Variants in MYO9A observed in about 807,000 individuals in gnomAD.
The protein encoded by MYO9A is myosin IXA, also known as unconventional myosin-IXa.
A neutral mutation model predicts 293.3 loss-of-function variants in MYO9A; 103 were observed. The ratio of observed to expected loss-of-function variants is 0.35; its 90% CI spans 0.30 to 0.41. MYO9A has a LOEUF of 0.41. MYO9A is among the 10% of genes least tolerant of loss of function. The pLI is 1.00. For missense variants in MYO9A, 2,685 were observed against 3,033.0 expected (o/e 0.89, Z 2.69); for synonymous variants, 1,001 against 1,035.7 (o/e 0.97, Z 0.64).
At chr15:72,087,176 G>A (rs1017436949) in intron 1 of MYO9A, among the ~76,000 whole-genome samples, 10 of 152,158 alleles carry the variant, frequency 6.6e-5, no homozygotes, top group Non-Finnish European at 1.0e-4. Context: ...GCAAGCAGGC[G>A]CAACCAGGCT....
intron 40 of MYO9A, 116 bp from the exon 41 acceptor site, chr15:71,828,142 AC>A: frequency 8.4e-7 from 1 of 1,192,130 alleles, no homozygotes; most frequent in Non-Finnish European, 1.2e-6. Flanking sequence ...GTCCATTTTT[AC>A]TGTCCCCATC....
chr15:72,009,143 C>T (rs1294429686), intron 7 of MYO9A, among the ~76,000 whole-genome samples: 1 of 152,042 alleles, frequency 6.6e-6, no homozygotes, highest in Non-Finnish European at 1.5e-5. Flanking sequence ...AACATAAAAA[C>T]TAATGGAAGT....
intron 15 of MYO9A, among the ~76,000 whole-genome samples, chr15:71,946,402 G>T (rs2058919695): frequency 6.6e-6 from 1 of 152,116 alleles, no homozygotes; most frequent in Admixed American, 6.5e-5. Flanking sequence ...ATTTTCTTGG[G>T]TTGATTTTAA....
chr15:71,838,189 T>C (rs1026087880), intron 39 of MYO9A, among the ~76,000 whole-genome samples: 5 of 152,144 alleles, frequency 3.3e-5, no homozygotes, highest in African/African-American at 4.8e-5. Flanking sequence ...GTAGCTAATC[T>C]TTCTATTTAC....
chr15:71,961,039 G>C (rs1468671051), intron 13 of MYO9A, among the ~76,000 whole-genome samples: 1 of 152,162 alleles, frequency 6.6e-6, no homozygotes, highest in Non-Finnish European at 1.5e-5. Context: ...ATAAAGGAAA[G>C]CCCTGGAAAG....
chr15:72,102,371 C>G (rs982612924), intron 1 of MYO9A, among the ~76,000 whole-genome samples: 12 of 150,448 alleles, frequency 8.0e-5, no homozygotes, highest in African/African-American at 2.7e-4. Context: ...GGTCCTCTGC[C>G]TAGGAAAACC....
At position 71,862,570 on chromosome 15, in the gene MYO9A, A is replaced by G. The variant is rs772926203; in HGVS notation, c.6021T>C (p.Tyr2007=). The change falls in exon 33 of 42, where the codon TAT becomes TAC. Residue 2007 remains tyrosine, a synonymous_variant. Transcript: ENST00000356056. ...AGTATTCACAGTATGTAGGGATGCTATATTGGGTGGCTTTAAAGATGTGAC... is the reference window on the plus strand; with the variant it reads ...AGTATTCACAGTATGTAGGGATGCTGTATTGGGTGGCTTTAAAGATGTGAC... ...HNGHIFKATQ[Y]SIPTYCEYCS... The G allele has an allele frequency of 1.9e-6, 3 of 1,613,268 alleles. No homozygotes were observed. The highest frequency in any genetic ancestry group is 2.5e-6 in the Non-Finnish European group (3 of 1,179,502).
chr15:71,832,808 T>A (rs2054782941), intron 39 of MYO9A, among the ~76,000 whole-genome samples: 1 of 152,170 alleles, frequency 6.6e-6, no homozygotes, highest in Non-Finnish European at 1.5e-5. Context: ...AGCGATGTGT[T>A]GAATTTAAAA....
At chr15:72,060,193 C>G (rs1596485847) in intron 1 of MYO9A, among the ~76,000 whole-genome samples, 3 of 152,126 alleles carry the variant, frequency 2.0e-5, no homozygotes, top group African/African-American at 7.2e-5. Flanking sequence ...AGACCTCAAC[C>G]ACAGTCTTCT....
chr15:71,857,150 T>C (rs902666356), intron 34 of MYO9A, among the ~76,000 whole-genome samples: 1 of 152,178 alleles, frequency 6.6e-6, no homozygotes, highest in African/African-American at 2.4e-5. Flanking sequence ...TACTTTTAGG[T>C]ATTAAACAAA....
chr15:71,951,650 G>T, intron 15 of MYO9A, 127 bp downstream of exon 15: 1 of 1,002,968 alleles, frequency 1.0e-6, no homozygotes, highest in South Asian at 1.7e-5. Flanking sequence ...AATATTCAAA[G>T]ACTGCTCAGA....
chr15:71,986,582 C>T (rs562768658), intron 11 of MYO9A, among the ~76,000 whole-genome samples: 3 of 152,072 alleles, frequency 2.0e-5, no homozygotes, highest in African/African-American at 4.8e-5. Context: ...TAGGCCTATG[C>T]TAATATGCTA....
intron 12 of MYO9A, among the ~76,000 whole-genome samples, chr15:71,974,480 G>C (rs1567335874): frequency 6.6e-6 from 1 of 152,174 alleles, no homozygotes; most frequent in African/African-American, 2.4e-5. Flanking sequence ...GAGTACACTG[G>C]TATAACAACT....
chr15:72,017,341 T>A (rs1009683196), intron 6 of MYO9A, among the ~76,000 whole-genome samples: 1 of 152,150 alleles, frequency 6.6e-6, no homozygotes, highest in African/African-American at 2.4e-5. Flanking sequence ...ACTTAGACTA[T>A]CTCTGAAAAG....
intron 1 of MYO9A, among the ~76,000 whole-genome samples, chr15:72,084,497 G>C (rs771809857): frequency 6.6e-6 from 1 of 152,092 alleles, no homozygotes; most frequent in Non-Finnish European, 1.5e-5. Context: ...GATAAGTGTG[G>C]ATTTGATACT....
At chr15:72,084,116 G>A (rs2079637555) in intron 1 of MYO9A, among the ~76,000 whole-genome samples, 2 of 152,168 alleles carry the variant, frequency 1.3e-5, no homozygotes, top group Non-Finnish European at 2.9e-5. Context: ...CTATTATGGT[G>A]TAGAAGTCTA....
At chr15:71,924,299 T>G (rs1211520981) in intron 18 of MYO9A, among the ~76,000 whole-genome samples, 1 of 152,112 alleles carries the variant, frequency 6.6e-6, no homozygotes, top group Non-Finnish European at 1.5e-5. Context: ...TGGAGCCCAG[T>G]GGCGTGATCT....
chr15:71,934,632 A>T (rs1472190974), intron 17 of MYO9A, among the ~76,000 whole-genome samples: 1 of 150,630 alleles, frequency 6.6e-6, no homozygotes, highest in Non-Finnish European at 1.5e-5. Context: ...ACAGGATGTT[A>T]ATCGGTTGCC....
chr15:72,051,219 C>T (rs534819428), intron 1 of MYO9A, among the ~76,000 whole-genome samples: 4 of 152,284 alleles, frequency 2.6e-5, no homozygotes, highest in Admixed American at 1.3e-4. Flanking sequence ...TGCATGCCAC[C>T]GATGGCAGCA....
Sources: allele counts gnomAD v4.1 joint callset (sites outside exome capture counted in the v4.1 genomes callset), GRCh38; gene constraint gnomAD v4.1.1; transcripts MANE v1.5; gene names NCBI Gene and HGNC (gene_info 2026-07-23, HGNC 2026-07-21).